DST: variants seen among roughly 807,000 people sequenced by gnomAD.
The protein encoded by DST is dystonin, also known as bullous pemphigoid antigen.
Under a neutral mutation model 875.2 loss-of-function variants are expected in DST, and 253 were observed. That is an observed-to-expected ratio of 0.29 (90% confidence interval 0.26 to 0.32). DST has a LOEUF of 0.32. DST is among the 10% of genes least tolerant of loss of function. The probability of loss-of-function intolerance (pLI) is 1.00; values close to 1 mark genes in which losing one functional copy is unlikely to be tolerated. For missense variants in DST, 8,287 were observed against 9,111.6 expected, an observed-to-expected ratio of 0.91 and a Z score of 3.68; for synonymous variants, 3,124 against 3,197.1, an observed-to-expected ratio of 0.98 and a Z score of 0.77.
At chr6:56,807,418 G>C (rs1313735433) in intron 4 of DST, among the ~76,000 whole-genome samples, 1 of 152,126 alleles carries the variant, frequency 6.6e-6, no homozygotes, top group Admixed American at 6.5e-5. Context: ...AATTTACATG[G>C]AAATATAAAG....
At chr6:56,952,867 A>G (rs181758925) in intron 2 of DST, among the ~76,000 whole-genome samples, 2 of 152,378 alleles carry the variant, frequency 1.3e-5, no homozygotes, top group Admixed American at 6.5e-5. Context: ...TATATACAGT[A>G]GAATTACTCT....
intron 4 of DST, among the ~76,000 whole-genome samples, chr6:56,782,719 T>C (rs1389906757): frequency 6.6e-6 from 1 of 152,196 alleles, no homozygotes; most frequent in Non-Finnish European, 1.5e-5. Flanking sequence ...GTGTCTCTAT[T>C]TCCTTCAGTT....
At chr6:56,684,255 T>A (rs71564848) in intron 9 of DST, among the ~76,000 whole-genome samples, 2 of 152,160 alleles carry the variant, frequency 1.3e-5, no homozygotes, top group Admixed American at 6.5e-5. Context: ...TTCACTTTTT[T>A]AAAAAGTATG....
chr6:56,941,852 C>T (rs928279932), intron 2 of DST, among the ~76,000 whole-genome samples: 3 of 152,252 alleles, frequency 2.0e-5, no homozygotes, highest in Non-Finnish European at 2.9e-5. Flanking sequence ...TCTTTACCTA[C>T]GTTTTTACTG....
At chr6:56,547,311 C>G (rs1049538351) in intron 61 of DST, among the ~76,000 whole-genome samples, 1 of 152,154 alleles carries the variant, frequency 6.6e-6, no homozygotes, top group African/African-American at 2.4e-5. Context: ...TCTCTCTTGA[C>G]CAGCATATGG....
chr6:56,645,189 C>T (rs2098935332), intron 15 of DST, among the ~76,000 whole-genome samples: 1 of 152,176 alleles, frequency 6.6e-6, no homozygotes, highest in African/African-American at 2.4e-5. Context: ...GGTCTAGGTC[C>T]TATAGACTTC....
chr6:56,754,278 G>C (rs1054462122), intron 4 of DST, among the ~76,000 whole-genome samples: 2 of 152,150 alleles, frequency 1.3e-5, no homozygotes, highest in African/African-American at 4.8e-5. Context: ...CTTTTAAAAA[G>C]TGTAAACAAA....
rs896246499 is a variant in DST, at chr6:56,497,877, C to G, written c.20073G>C (p.Gln6691His). 6.2e-7 allele frequency: 1 copy of G among 1,611,398 alleles called. No homozygotes were observed. Among genetic ancestry groups the G allele is most frequent in the Non-Finnish European group, 8.5e-7 (1 of 1,178,530 alleles). ...VLEKTEQRKQ[Q>H]LDGALRQAKG... ...TCACCTGGCGCAAGGCACCATCCAGCTGCTGCTTCCTTTGTTCTGTTTTTT... is the reference window on the plus strand; with the variant it reads ...TCACCTGGCGCAAGGCACCATCCAGGTGCTGCTTCCTTTGTTCTGTTTTTT... The change falls in exon 81 of 104, where the codon CAG (glutamine) becomes CAC (histidine). Residue 6691 changes from glutamine (Q) to histidine (H), a missense_variant. This residue lies in a region of DST where 1,292 missense variants were observed against 1,552.7 expected (regional missense o/e 0.83). Coordinates refer to ENST00000680361, the MANE Select transcript of DST (RefSeq NM_001374736.1).
Position 56,526,367 on chromosome 6 carries a change from T to C in DST, c.18123A>G (p.Ser6041=), listed in dbSNP as rs2096797253. 1.9e-6 allele frequency: 3 copies of C among 1,613,700 alleles called. No homozygotes were observed. The highest frequency in any genetic ancestry group is 8.5e-7 in the Non-Finnish European group (1 of 1,179,764). ...ACAAACCATTTTTCCCTACCTGCTG[T>C]GATCGCAGAATGGCTGCATCGATCT... ...VEEIDAAILR[S]QQFDQAADAE... Residue 6041 remains serine, a synonymous_variant, in exon 69 of 104, where the codon TCA becomes TCG. Coordinates refer to ENST00000680361, the MANE Select transcript of DST (RefSeq NM_001374736.1).
chr6:56,804,244 G>A (rs570074552), intron 4 of DST, among the ~76,000 whole-genome samples: 53 of 152,224 alleles, frequency 3.5e-4, no homozygotes, highest in African/African-American at 1.2e-3. Context: ...CTGTGACTCT[G>A]CAATGAGAAG....
rs756160955 is a variant in DST at position 56,494,098 on chromosome 6, G to A, written c.20306C>T (p.Pro6769Leu). 3 of 1,610,656 alleles carry A rather than the reference G, an allele frequency of 1.9e-6. No individual in the cohort carries two copies. Among genetic ancestry groups the A allele is most frequent in the Non-Finnish European group, 2.5e-6 (3 of 1,177,890 alleles). Reference sequence around the variant, plus strand: ...GTCAATATTTGTCTCTGCAGATTTTGGGCATCTTGCAAGCATCTGCTGGCC... The same window carrying A: ...GTCAATATTTGTCTCTGCAGATTTTAGGCATCTTGCAAGCATCTGCTGGCC... ...QKGQQMLARC[P>L]KSAETNIDQD... The change falls in exon 83 of 104, where the codon CCA becomes CTA. Residue 6769 changes from proline to leucine, a missense_variant. Around this residue, in one of 10 missense-constraint regions of DST, gnomAD observed 1,292 missense variants for 1,552.7 expected, o/e 0.83. Coordinates refer to ENST00000680361, the MANE Select transcript of DST (RefSeq NM_001374736.1).
intron 10 of DST, among the ~76,000 whole-genome samples, chr6:56,665,820 T>C (rs1478799538): frequency 6.6e-6 from 1 of 152,152 alleles, no homozygotes; most frequent in Admixed American, 6.5e-5. Flanking sequence ...CCTGCACATA[T>C]ACCCCTAGAA....
At chr6:56,679,599 TAA>T (rs1165137050) in intron 9 of DST, among the ~76,000 whole-genome samples, 143 of 111,826 alleles carry the variant, frequency 1.3e-3, no homozygotes, top group African/African-American at 3.9e-3. Flanking sequence ...TATGTCTCAT[TAA>T]AAAAAAAAAA....
chr6:56,564,359 A>G (rs1415012015), intron 55 of DST, among the ~76,000 whole-genome samples: 2 of 152,154 alleles, frequency 1.3e-5, no homozygotes, highest in Non-Finnish European at 2.9e-5. Context: ...GAGTTCACTC[A>G]TGGTTTGGCT....
chr6:56,539,589 A>C (rs2097086855), intron 61 of DST, among the ~76,000 whole-genome samples: 1 of 152,202 alleles, frequency 6.6e-6, no homozygotes, highest in Non-Finnish European at 1.5e-5. Flanking sequence ...TTTGAGGCCA[A>C]GTTTACCAGA....
intron 80 of DST, among the ~76,000 whole-genome samples, chr6:56,499,965 T>A (rs1054504144): frequency 4.5e-4 from 68 of 152,256 alleles, no homozygotes; most frequent in African/African-American, 1.5e-3. Context: ...ACATTAAGTG[T>A]GCAAAATAAA....
At chr6:56,699,536 A>C in intron 9 of DST, 117 bp downstream of exon 9, 1 of 585,568 alleles carries the variant, frequency 1.7e-6, no homozygotes, top group Non-Finnish European at 2.9e-6. Flanking sequence ...TATTACTTAA[A>C]GAAAGAAGCT....
chr6:56,568,665 T>C, intron 54 of DST, 70 bp from the exon 55 acceptor site: 1 of 1,324,758 alleles, frequency 7.5e-7, no homozygotes, highest in Non-Finnish European at 1.0e-6. Context: ...ATTCAGTTTC[T>C]TAAACATATC....
intron 63 of DST, 38 bp downstream of exon 63, chr6:56,535,084 T>C (rs1382322650): frequency 6.2e-7 from 1 of 1,602,884 alleles, no homozygotes; most frequent in Admixed American, 1.8e-5. Flanking sequence ...TTATTAAGAT[T>C]TAATATGAAA....
Sources: allele counts gnomAD v4.1 joint callset (sites outside exome capture counted in the v4.1 genomes callset), GRCh38; gene constraint gnomAD v4.1.1; regional missense constraint gnomAD v4.1.1; transcripts MANE v1.5; gene names NCBI Gene and HGNC (gene_info 2026-07-23, HGNC 2026-07-21).